Variants in SLC14A2 observed in about 807,000 individuals in gnomAD.
SLC14A2 encodes solute carrier family 14 member 2.
SLC14A2 carries 91 observed loss-of-function variants against 104.6 expected under a neutral mutation model. The observed-to-expected ratio is 0.87, with a 90% CI of 0.73 to 1.04. The LOEUF (loss-of-function observed/expected upper bound fraction) is 1.04, where lower values mean the gene tolerates loss of function less well. SLC14A2 is among the 50% of genes least tolerant of loss of function. The probability of loss-of-function intolerance (pLI) is 0.00; values close to 1 mark genes in which losing one functional copy is unlikely to be tolerated. For synonymous variants in SLC14A2, 476 were observed against 466.4 expected (o/e 1.02, Z -0.27); for missense variants, 1,189 against 1,156.0 (o/e 1.03, Z -0.41).
chr18:45,262,760 A>G (rs2084552958), intron 1 of SLC14A2, among the ~76,000 whole-genome samples: 1 of 152,150 alleles, frequency 6.6e-6, no homozygotes, highest in Non-Finnish European at 1.5e-5. Flanking sequence ...GACAACATTA[A>G]TTGAGCACAC....
At chr18:45,463,760 A>AGT (rs1205071325) in intron 1 of SLC14A2, among the ~76,000 whole-genome samples, 1 of 152,168 alleles carries the variant, frequency 6.6e-6, no homozygotes, top group East Asian at 1.9e-4. Flanking sequence ...TCCTAGTGAG[A>AGT]GTGTGTGGAT....
intron 1 of SLC14A2, among the ~76,000 whole-genome samples, chr18:45,433,121 G>T (rs2086542712): frequency 1.3e-5 from 2 of 151,912 alleles, no homozygotes; most frequent in African/African-American, 4.8e-5. Flanking sequence ...TTCTCAATAT[G>T]GATTAGATAG....
chr18:45,562,601 G>C (rs1442739224), intron 2 of SLC14A2, among the ~76,000 whole-genome samples: 4 of 152,170 alleles, frequency 2.6e-5, no homozygotes. Context: ...TTTCAAAGTT[G>C]ATCTTAGCCC....
At chr18:45,615,817 ATGTG>A (rs34832879) in intron 1 of SLC14A2, among the ~76,000 whole-genome samples, 4 of 147,386 alleles carry the variant, frequency 2.7e-5, no homozygotes, top group African/African-American at 5.1e-5. Flanking sequence ...GTAGGGGTGT[ATGTG>A]TGTGTGTGTG....
chr18:45,368,514 A>G (rs1598727860), intron 1 of SLC14A2, among the ~76,000 whole-genome samples: 1 of 152,130 alleles, frequency 6.6e-6, no homozygotes, highest in South Asian at 2.1e-4. Flanking sequence ...AAGAACCCAC[A>G]CTTCCTGCCA....
At chr18:45,476,680 T>G (rs1334872823) in intron 1 of SLC14A2, among the ~76,000 whole-genome samples, 2 of 152,174 alleles carry the variant, frequency 1.3e-5, no homozygotes, top group Non-Finnish European at 2.9e-5. Context: ...TGTTTGTTCC[T>G]TTTCATTCCT....
At chr18:45,565,572 G>A (rs1249581424) in intron 2 of SLC14A2, among the ~76,000 whole-genome samples, 1 of 152,208 alleles carries the variant, frequency 6.6e-6, no homozygotes, top group African/African-American at 2.4e-5. Flanking sequence ...TCTGACACAT[G>A]AGGACGATGA....
chr18:45,669,413 AC>A lies in SLC14A2; in HGVS notation c.2145del (p.Tyr716ThrfsTer30). ...ACTTTGTACCTGGCAGCCACGGGCCACTACAACCTTTTCTTCCCCACAACGC... is the reference window on the plus strand; with the variant it reads ...ACTTTGTACCTGGCAGCCACGGGCCATACAACCTTTTCTTCCCCACAACGC... ...TVTLYLAATG[H>X]YNLFFPTTLL... On this transcript the variant is annotated frameshift_variant, in exon 16 of 20. Coordinates refer to ENST00000255226, the MANE Select transcript of SLC14A2 (RefSeq NM_007163.4). LOFTEE classifies it high-confidence loss of function. 2.5e-6 allele frequency: 4 copies of A among 1,613,772 alleles called. No individual in the cohort carries two copies. The highest frequency in any genetic ancestry group is 3.4e-6 in the Non-Finnish European group (4 of 1,179,954).
At chr18:45,339,201 T>C (rs1395452464) in intron 1 of SLC14A2, among the ~76,000 whole-genome samples, 1 of 152,092 alleles carries the variant, frequency 6.6e-6, no homozygotes, top group Non-Finnish European at 1.5e-5. Flanking sequence ...CAACCTCAGG[T>C]GATCTGCCCA....
chr18:45,459,853 A>T (rs1598852664), intron 1 of SLC14A2, among the ~76,000 whole-genome samples: 1 of 152,328 alleles, frequency 6.6e-6, no homozygotes, highest in East Asian at 1.9e-4. Flanking sequence ...CTGCTGTAAG[A>T]AAAACAAATT....
intron 1 of SLC14A2, among the ~76,000 whole-genome samples, chr18:45,395,581 G>A (rs1405518473): frequency 1.3e-5 from 2 of 152,072 alleles, no homozygotes; most frequent in South Asian, 2.1e-4. Flanking sequence ...AAAAAAGAAA[G>A]CATTTATCTA....
At chr18:45,646,187 C>T (rs767899547) in intron 10 of SLC14A2, 1 of 152,244 alleles carries the variant, frequency 6.6e-6, no homozygotes, top group Non-Finnish European at 1.5e-5. Flanking sequence ...GTTGTTCTCT[C>T]ATCTGCCAGA....
intron 1 of SLC14A2, among the ~76,000 whole-genome samples, chr18:45,325,950 A>G (rs933871586): frequency 6.6e-6 from 1 of 152,206 alleles, no homozygotes; most frequent in Non-Finnish European, 1.5e-5. Context: ...AAATACGCCA[A>G]GTGATTTCAA....
At chr18:45,466,919 A>G (rs1278710090) in intron 1 of SLC14A2, among the ~76,000 whole-genome samples, 1 of 151,886 alleles carries the variant, frequency 6.6e-6, no homozygotes, top group Non-Finnish European at 1.5e-5. Context: ...TTAACAAAGC[A>G]GGTAGAGAAC....
intron 10 of SLC14A2, among the ~76,000 whole-genome samples, chr18:45,658,067 C>T (rs2144606908): frequency 6.6e-6 from 1 of 152,184 alleles, no homozygotes; most frequent in African/African-American, 2.4e-5. Context: ...CGTGATGTGT[C>T]ACTTCAAAGA....
At chr18:45,450,393 C>T (rs2086838899) in intron 1 of SLC14A2, among the ~76,000 whole-genome samples, 1 of 152,148 alleles carries the variant, frequency 6.6e-6, no homozygotes, top group South Asian at 2.1e-4. Context: ...TTGGCCTTGT[C>T]AGGAGGTAAT....
chr18:45,285,880 C>T (rs1230800661), intron 1 of SLC14A2, among the ~76,000 whole-genome samples: 2 of 152,158 alleles, frequency 1.3e-5, no homozygotes, highest in Non-Finnish European at 1.5e-5. Flanking sequence ...CAGTGGTTCT[C>T]AGCCATGGCT....
intron 1 of SLC14A2, among the ~76,000 whole-genome samples, chr18:45,260,630 T>TA (rs1284966446): frequency 2.6e-5 from 4 of 152,096 alleles, no homozygotes; most frequent in Non-Finnish European, 5.9e-5. Context: ...TACTCAGCCA[T>TA]AAAAAATAAT....
At chr18:45,521,577 C>A (rs966560515) in intron 2 of SLC14A2, among the ~76,000 whole-genome samples, 1 of 152,096 alleles carries the variant, frequency 6.6e-6, no homozygotes. Flanking sequence ...CAGAAAGTAA[C>A]CCTGTTTCCT....
Sources: gnomAD v4.1 joint callset for allele counts (sites outside exome capture counted in the v4.1 genomes callset) on GRCh38, gnomAD v4.1.1 for gene constraint, MANE v1.5 for transcripts, NCBI Gene and HGNC (gene_info 2026-07-23, HGNC 2026-07-21) for gene names.